The following LPP variants were observed in gnomAD, a reference collection of about 807,000 sequenced individuals.
LPP encodes the protein LIM domain containing preferred translocation partner in lipoma.
Under a neutral mutation model 60.4 loss-of-function variants are expected in LPP, and 38 were observed. The observed-to-expected ratio is 0.63, with a 90% confidence interval of 0.49 to 0.83. LPP has a LOEUF of 0.83. Among genes scored for constraint, LPP ranks in the 40% least tolerant of loss-of-function variants. The probability of loss-of-function intolerance (pLI) is 0.00; values close to 1 mark genes in which losing one functional copy is unlikely to be tolerated. For missense variants in LPP, 902 were observed against 783.6 expected (o/e 1.15, Z -1.80); for synonymous variants, 328 against 290.8 (o/e 1.13, Z -1.30).
chr3:188,322,982 G>C (rs1266398922), intron 2 of LPP, among the ~76,000 whole-genome samples: 1 of 152,186 alleles, frequency 6.6e-6, no homozygotes, highest in African/African-American at 2.4e-5. Context: ...AGAGGTGGGG[G>C]AAAAGGGCAT....
At chr3:188,486,111 T>A (rs1806428007) in intron 5 of LPP, among the ~76,000 whole-genome samples, 1 of 152,302 alleles carries the variant, frequency 6.6e-6, no homozygotes, top group South Asian at 2.1e-4. Flanking sequence ...GATATAGGCA[T>A]ACAGTCTTTT....
At chr3:188,713,456 G>T (rs1712471582) in intron 8 of LPP, among the ~76,000 whole-genome samples, 1 of 151,830 alleles carries the variant, frequency 6.6e-6, no homozygotes, top group South Asian at 2.1e-4. Flanking sequence ...TGATATATTA[G>T]ATAATACATC....
At chr3:188,363,559 C>T (rs917441652) in intron 3 of LPP, among the ~76,000 whole-genome samples, 1 of 152,136 alleles carries the variant, frequency 6.6e-6, no homozygotes, top group African/African-American at 2.4e-5. Flanking sequence ...TGTATGGGCT[C>T]TTTACGTCTT....
In LPP at chr3:188,182,306, A is replaced by G. The variant is rs1370707572; in HGVS notation, c.-190+28054A>G. ...GACTCTCGGTCTCACCCCAGAATCT[A>G]TGTCTTTAGGTGTTGCTGAAAGTTT... On this transcript the variant is annotated intron_variant, in intron 1 of 11. Coordinates refer to ENST00000617246, the MANE Select transcript of LPP (RefSeq NM_001375462.1). The surrounding 1 kb of genome is among the most constrained non-coding windows in gnomAD (Gnocchi z 4.4). Among the ~76,000 whole-genome samples the G allele has an allele frequency of 6.6e-6, 1 of 152,158 alleles. No homozygotes were observed. Among genetic ancestry groups the G allele is most frequent in the Non-Finnish European group, 1.5e-5 (1 of 68,020 alleles).
intron 6 of LPP, among the ~76,000 whole-genome samples, chr3:188,559,118 G>A (rs563890690): frequency 6.6e-6 from 1 of 152,104 alleles, no homozygotes; most frequent in East Asian, 1.9e-4. Flanking sequence ...GTAACATGAG[G>A]GAGCTGATGT....
At chr3:188,218,414 T>C (rs1577348788) in intron 1 of LPP, among the ~76,000 whole-genome samples, 1 of 152,154 alleles carries the variant, frequency 6.6e-6, no homozygotes, top group East Asian at 1.9e-4. Flanking sequence ...TGTGACCTCA[T>C]CCTCCTGTGT....
intron 7 of LPP, among the ~76,000 whole-genome samples, chr3:188,672,031 C>G (rs1576955386): frequency 6.6e-6 from 1 of 152,180 alleles, no homozygotes; most frequent in South Asian, 2.1e-4. Flanking sequence ...AATAGAAGCG[C>G]TTGAAAATTT....
intron 1 of LPP, among the ~76,000 whole-genome samples, chr3:188,165,877 G>A (rs1295242909): frequency 1.3e-5 from 2 of 152,170 alleles, no homozygotes; most frequent in African/African-American, 2.4e-5. Context: ...TGGTCCCAGC[G>A]TAACACTGAG....
intron 4 of LPP, among the ~76,000 whole-genome samples, chr3:188,439,334 G>A (rs965335103): frequency 1.3e-5 from 2 of 152,174 alleles, no homozygotes; most frequent in African/African-American, 2.4e-5. Flanking sequence ...CAAAATCAGC[G>A]ACTTCTGCAA....
intron 6 of LPP, among the ~76,000 whole-genome samples, chr3:188,585,839 C>T (rs1048550071): frequency 6.6e-6 from 1 of 152,172 alleles, no homozygotes; most frequent in Non-Finnish European, 1.5e-5. Context: ...TGTAAACATA[C>T]CTGTATATTT....
intron 2 of LPP, among the ~76,000 whole-genome samples, chr3:188,226,043 C>G (rs1188512466): frequency 6.6e-6 from 1 of 152,142 alleles, no homozygotes; most frequent in African/African-American, 2.4e-5. Flanking sequence ...GAGTCTTGCT[C>G]TGTTGCCCAT....
At chr3:188,411,957 C>T (rs1024105054) in intron 4 of LPP, among the ~76,000 whole-genome samples, 10 of 111,952 alleles carry the variant, frequency 8.9e-5, no homozygotes, top group Admixed American at 3.2e-4. Context: ...TAATAACTCT[C>T]TCTCTCTCTT....
chr3:188,273,503 A>AC (rs1417127369), intron 2 of LPP, among the ~76,000 whole-genome samples: 2 of 143,528 alleles, frequency 1.4e-5, no homozygotes. Context: ...TCTCAATCTT[A>AC]CCCCCCTTTC....
intron 1 of LPP, among the ~76,000 whole-genome samples, chr3:188,185,795 T>A (rs1726426387): frequency 6.6e-6 from 1 of 152,210 alleles, no homozygotes; most frequent in Non-Finnish European, 1.5e-5. Context: ...TGACCTAATG[T>A]TATGTTTTGT....
intron 2 of LPP, among the ~76,000 whole-genome samples, chr3:188,323,322 G>C (rs1045409367): frequency 2.6e-5 from 4 of 152,136 alleles, no homozygotes; most frequent in Non-Finnish European, 5.9e-5. Context: ...AGGTCTTGTG[G>C]CTCATTTTGT....
chr3:188,362,293 G>A lies in LPP; in HGVS notation c.-10+20574G>A, dbSNP rs142675929. On this transcript the variant is annotated intron_variant, in intron 3 of 11. Coordinates refer to ENST00000617246, the MANE Select transcript of LPP (RefSeq NM_001375462.1). ...ATGGGAAAAGAGATAGTAGAAATAT[G>A]AGAATATCTTCTCCAAAGATTCTAT... Among the ~76,000 whole-genome samples the A allele has an allele frequency of 7.4e-4, 113 of 152,326 alleles. 2 individuals carry two copies. In the East Asian group the frequency reaches 0.021, roughly 28 times the overall value.
At chr3:188,524,897 G>GTCCGTCCT (rs1189195186) in intron 6 of LPP, 110 bp downstream of exon 6, 26 of 237,862 alleles carry the variant, frequency 1.1e-4, no homozygotes, top group African/African-American at 5.8e-4. Flanking sequence ...CCTTCCGTCC[G>GTCCGTCCT]TCCTTCCTTC....
chr3:188,503,189 A>G (rs73054741), intron 5 of LPP, among the ~76,000 whole-genome samples: 3,555 of 152,148 alleles, frequency 0.023, 144 homozygotes, highest in African/African-American at 0.082. Flanking sequence ...TAACATCCTA[A>G]CGTTATAACA....
chr3:188,833,522 G>A (rs921786286), intron 9 of LPP, among the ~76,000 whole-genome samples: 1 of 152,172 alleles, frequency 6.6e-6, no homozygotes, highest in African/African-American at 2.4e-5. Flanking sequence ...GAAGGTTTAA[G>A]AGAATCTGAG....
Sources: gnomAD v4.1 joint callset for allele counts (sites outside exome capture counted in the v4.1 genomes callset) on GRCh38, gnomAD v4.1.1 for gene constraint, Gnocchi (gnomAD v3.1) non-coding constraint, MANE v1.5 for transcripts, NCBI Gene and HGNC (gene_info 2026-07-23, HGNC 2026-07-21) for gene names.